The following STPG4 variants were observed in gnomAD, a reference collection of about 807,000 sequenced individuals.
STPG4 encodes the protein sperm-tail PG-rich repeat containing 4.
STPG4 carries 41 observed loss-of-function variants against 31.5 expected under a neutral mutation model. The observed-to-expected ratio is 1.30, with a 90% CI of 1.01 to 1.69. STPG4 has a LOEUF of 1.69. Among genes scored for constraint, STPG4 ranks in the 40% most tolerant of loss-of-function variants. The pLI is 0.00. For missense variants in STPG4, 375 were observed against 293.4 expected (o/e 1.28, Z -2.03); for synonymous variants, 141 against 103.0 (o/e 1.37, Z -2.24).
At chr2:47,148,691 C>A (rs1482343158) in intron 3 of STPG4, among the ~76,000 whole-genome samples, 1 of 152,136 alleles carries the variant, frequency 6.6e-6, no homozygotes. Context: ...TCCCCCAACT[C>A]CACGACAGGC....
intron 5 of STPG4, among the ~76,000 whole-genome samples, chr2:47,100,543 C>G (rs998615253): frequency 1.3e-5 from 2 of 150,116 alleles, no homozygotes; most frequent in African/African-American, 4.9e-5. Context: ...AGAAAAAAAG[C>G]AGGCTCCCCG....
chr2:47,087,925 T>C (rs1685494473), intron 6 of STPG4, among the ~76,000 whole-genome samples: 1 of 151,484 alleles, frequency 6.6e-6, no homozygotes, highest in African/African-American at 2.4e-5. Flanking sequence ...CTAAATTTTT[T>C]TGTATTTTTA....
chr2:47,155,114 G>C, intron 1 of STPG4, 57 bp downstream of exon 1: 1 of 1,520,066 alleles, frequency 6.6e-7, no homozygotes, highest in South Asian at 1.1e-5. Context: ...TGGGAAAAGG[G>C]TAGTGGGCCT....
intron 5 of STPG4, among the ~76,000 whole-genome samples, chr2:47,100,948 G>A (rs928139582): frequency 2.0e-5 from 3 of 151,848 alleles, no homozygotes; most frequent in African/African-American, 7.3e-5. Flanking sequence ...CTTGAACTCA[G>A]TGAGACCAAG....
At chr2:47,114,450 TGAGTCGAGATCACATGACTGCACTCC>T (rs2103759066) in intron 5 of STPG4, among the ~76,000 whole-genome samples, 1 of 152,178 alleles carries the variant, frequency 6.6e-6, no homozygotes, top group South Asian at 2.1e-4. Context: ...GAGGTTGCAG[TGAGTCGAGATCACATGACTGCACTCC>T]CGCCTGGGTG....
chr2:47,099,533 G>A (rs954660779), intron 5 of STPG4, among the ~76,000 whole-genome samples: 1 of 152,290 alleles, frequency 6.6e-6, no homozygotes, highest in Non-Finnish European at 1.5e-5. Context: ...AAATCTGGAA[G>A]GCCATCTTTC....
At chr2:47,101,467 G>A (rs770175241) in intron 5 of STPG4, among the ~76,000 whole-genome samples, 1 of 151,608 alleles carries the variant, frequency 6.6e-6, no homozygotes, top group Admixed American at 6.6e-5. Flanking sequence ...TTGCCCCCTG[G>A]GTCCTAAGGC....
intron 3 of STPG4, among the ~76,000 whole-genome samples, chr2:47,136,613 G>A (rs988917208): frequency 6.6e-6 from 1 of 152,062 alleles, no homozygotes; most frequent in Non-Finnish European, 1.5e-5. Flanking sequence ...ATTTTATAAT[G>A]CAAATAATCC....
rs554773837 is a variant in STPG4 at position 47,101,335 on chromosome 2, G to C, written c.520-10961C>G. On this transcript the variant is annotated intron_variant, in intron 5 of 6. Transcript: ENST00000445927. Reference sequence around the variant, plus strand: ...CTGGGCTGAGCCGAGGGTTGACAGAGAGGAAAGCCATGCAGCTCCAGGGTC... The same window carrying C: ...CTGGGCTGAGCCGAGGGTTGACAGACAGGAAAGCCATGCAGCTCCAGGGTC... Among the ~76,000 whole-genome samples the C allele has an allele frequency of 7.9e-5, 12 of 151,846 alleles. No homozygotes were observed. The South Asian group carries it at 2.5e-3, about 32-fold the overall frequency.
At chr2:47,122,324 A>C (rs1027357841) in intron 5 of STPG4, among the ~76,000 whole-genome samples, 1 of 152,150 alleles carries the variant, frequency 6.6e-6, no homozygotes, top group African/African-American at 2.4e-5. Context: ...TCTGATATAC[A>C]AAGCATTTTT....
chr2:47,149,420 G>C (rs1274716666), intron 3 of STPG4, among the ~76,000 whole-genome samples: 1 of 152,220 alleles, frequency 6.6e-6, no homozygotes, highest in African/African-American at 2.4e-5. Flanking sequence ...TTGCATTTGA[G>C]ATAGCCAGAA....
chr2:47,103,594 T>C lies in STPG4; in HGVS notation c.520-13220A>G, dbSNP rs1685844095. On this transcript the variant is annotated intron_variant, in intron 5 of 6. Coordinates refer to ENST00000445927, the MANE Select transcript of STPG4 (RefSeq NM_001163561.2). ...AAAATGGAGCAGGCCAATCACCTGG[T>C]AGGGCTTGTTATCAGTGTGGTTTAC... Among the ~76,000 whole-genome samples the C allele has an allele frequency of 2.6e-5, 4 of 151,856 alleles. No homozygotes were observed. The South Asian group carries it at 8.3e-4, about 32-fold the overall frequency.
chr2:47,126,794 C>T (rs1053102269), intron 5 of STPG4, among the ~76,000 whole-genome samples: 2 of 151,958 alleles, frequency 1.3e-5, no homozygotes, highest in Non-Finnish European at 2.9e-5. Flanking sequence ...TATACTATTC[C>T]AGGATAAGTT....
At chr2:47,112,246 A>G (rs1479663026) in intron 5 of STPG4, among the ~76,000 whole-genome samples, 2 of 152,146 alleles carry the variant, frequency 1.3e-5, no homozygotes, top group African/African-American at 4.8e-5. Context: ...CGCTCACTGC[A>G]AACTCTGCCT....
At chr2:47,128,688 G>A (rs1686411036) in intron 5 of STPG4, among the ~76,000 whole-genome samples, 1 of 152,056 alleles carries the variant, frequency 6.6e-6, no homozygotes, top group East Asian at 1.9e-4. Context: ...AGGGCAGTGG[G>A]CTCCCCTCTG....
intron 5 of STPG4, among the ~76,000 whole-genome samples, chr2:47,092,774 T>C (rs1387917878): frequency 6.8e-6 from 1 of 146,678 alleles, no homozygotes; most frequent in African/African-American, 2.5e-5. Flanking sequence ...GAAGAAGCAC[T>C]GCACTGCAGA....
At chr2:47,111,206 T>G (rs1014792593) in intron 5 of STPG4, among the ~76,000 whole-genome samples, 1 of 152,130 alleles carries the variant, frequency 6.6e-6, no homozygotes, top group African/African-American at 2.4e-5. Context: ...CAATGCCAAG[T>G]AGATGTTGGT....
chr2:47,144,629 G>A (rs770280372), intron 3 of STPG4, among the ~76,000 whole-genome samples: 14 of 152,220 alleles, frequency 9.2e-5, no homozygotes, highest in African/African-American at 3.1e-4. Flanking sequence ...TCTGGTTTCT[G>A]CAAATGACAT....
In STPG4 at chr2:47,152,531, T is replaced by A. The variant is rs538996020; in HGVS notation, c.141+426A>T. 2.0e-4 allele frequency among the ~76,000 whole-genome samples: 30 copies of A among 152,366 alleles called. 1 individual carries two copies. Among genetic ancestry groups the A allele is most frequent in the African/African-American group, 6.7e-4 (28 of 41,594 alleles). On this transcript the variant is annotated intron_variant, in intron 2 of 6. Coordinates refer to ENST00000445927, the MANE Select transcript of STPG4 (RefSeq NM_001163561.2). ...CTCTCTGGTGAGGGGGATCTTCTGG[T>A]CATTTTTCTTCCATATATTACCATT... is the stretch of plus-strand genomic sequence containing the variant.
Sources: allele counts gnomAD v4.1 joint callset (sites outside exome capture counted in the v4.1 genomes callset), GRCh38; gene constraint gnomAD v4.1.1; transcripts MANE v1.5; gene names NCBI Gene and HGNC (gene_info 2026-07-23, HGNC 2026-07-21).